The following CDH6 variants were observed in gnomAD, a reference collection of about 807,000 sequenced individuals.
The protein encoded by CDH6 is cadherin 6.
Under a neutral mutation model 78.0 loss-of-function variants are expected in CDH6, and 31 were observed. The ratio of observed to expected loss-of-function variants is 0.40; its 90% CI spans 0.30 to 0.54. The LOEUF (loss-of-function observed/expected upper bound fraction) is 0.54, where lower values mean the gene tolerates loss of function less well. CDH6 is among the 20% of genes least tolerant of loss of function. The pLI is 0.56. For synonymous variants in CDH6, 376 were observed against 368.8 expected, an observed-to-expected ratio of 1.02 and a Z score of -0.23; for missense variants, 724 against 975.9, an observed-to-expected ratio of 0.74 and a Z score of 3.44.
intron 1 of CDH6, among the ~76,000 whole-genome samples, chr5:31,230,731 A>AGAGTC (rs1321468773): frequency 3.9e-5 from 6 of 152,228 alleles, no homozygotes; most frequent in African/African-American, 1.4e-4. Context: ...AGAACAACAA[A>AGAGTC]TCCATTGAGT....
chr5:31,305,407 T>C lies in CDH6; in HGVS notation c.1233T>C (p.Asp411=). The change falls in exon 7 of 12, where the codon GAT becomes GAC. Residue 411 remains aspartate (D), a synonymous_variant. Transcript: ENST00000265071. ...TIGSVTAQDP[D]AARNPVKYSV... ...GCTCCGTCACAGCCCAAGATCCAGA[T>C]GCTGCCAGGAATCCTGTCAAGTAAG... 1 of 1,613,828 alleles carries C rather than the reference T, an allele frequency of 6.2e-7. No individual in the cohort carries two copies. The highest frequency in any genetic ancestry group is 1.1e-5 in the South Asian group (1 of 91,028).
chr5:31,314,568 T>C (rs955929799), intron 8 of CDH6, among the ~76,000 whole-genome samples: 6 of 152,068 alleles, frequency 3.9e-5, no homozygotes, highest in Non-Finnish European at 8.8e-5. Context: ...GCATTGCTTT[T>C]AGATAGTGAT....
At chr5:31,220,749 A>G (rs1740983078) in intron 1 of CDH6, among the ~76,000 whole-genome samples, 1 of 152,188 alleles carries the variant, frequency 6.6e-6, no homozygotes, top group Non-Finnish European at 1.5e-5. Context: ...CCTCTTCGTA[A>G]CAGTGATATT....
chr5:31,314,669 G>A (rs985083730), intron 8 of CDH6, among the ~76,000 whole-genome samples: 27 of 151,960 alleles, frequency 1.8e-4, no homozygotes, highest in Admixed American at 1.8e-3. Context: ...TTTATGTTAT[G>A]GGACTGATGT....
chr5:31,300,320 A>G (rs1157972408), intron 5 of CDH6, among the ~76,000 whole-genome samples: 5 of 152,262 alleles, frequency 3.3e-5, no homozygotes, highest in Non-Finnish European at 5.9e-5. Flanking sequence ...TCCCTTTGGG[A>G]CCATGATCTC....
At chr5:31,249,005 T>TC (rs1276242972) in intron 1 of CDH6, among the ~76,000 whole-genome samples, 1 of 152,154 alleles carries the variant, frequency 6.6e-6, no homozygotes, top group Non-Finnish European at 1.5e-5. Context: ...GGGTTTTTTT[T>TC]CCCTAAAAAG....
intron 1 of CDH6, among the ~76,000 whole-genome samples, chr5:31,259,001 A>C (rs1742136984): frequency 6.6e-6 from 1 of 152,214 alleles, no homozygotes; most frequent in South Asian, 2.1e-4. Flanking sequence ...CCTAAGTTTC[A>C]GTTTCTTATC....
intron 2 of CDH6, among the ~76,000 whole-genome samples, chr5:31,273,377 T>A (rs1401523280): frequency 6.6e-6 from 1 of 152,212 alleles, no homozygotes; most frequent in Non-Finnish European, 1.5e-5. Context: ...ATAGCTGATA[T>A]TTTCCGAGCA....
At position 31,295,729 on chromosome 5, in the gene CDH6, C is replaced by G. The variant is rs76948986; in HGVS notation, c.523+1473C>G. On this transcript the variant is annotated intron_variant, in intron 3 of 11. Coordinates refer to ENST00000265071, the MANE Select transcript of CDH6 (RefSeq NM_004932.4). ...ATTTGAAACTATCTCCACTAAGAAC[C>G]AGCAGTGTAGCCCTGGGCAAATTAT... Among the ~76,000 whole-genome samples, 234 of 152,178 alleles carry G rather than the reference C, an allele frequency of 1.5e-3. 3 individuals carry two copies. In the South Asian group the frequency reaches 0.028, roughly 18 times the overall value.
chr5:31,202,008 C>T (rs1394753633), intron 1 of CDH6, among the ~76,000 whole-genome samples: 3 of 152,184 alleles, frequency 2.0e-5, no homozygotes, highest in South Asian at 2.1e-4. Flanking sequence ...GATTACAAAG[C>T]GGATAATTCA....
chr5:31,296,417 C>T (rs760115409), intron 3 of CDH6, among the ~76,000 whole-genome samples: 1 of 152,074 alleles, frequency 6.6e-6, no homozygotes, highest in African/African-American at 2.4e-5. Context: ...GATTATTAGG[C>T]AACTGTGGGG....
intron 1 of CDH6, among the ~76,000 whole-genome samples, chr5:31,236,751 C>T (rs551561717): frequency 6.6e-6 from 1 of 152,262 alleles, no homozygotes; most frequent in South Asian, 2.1e-4. Flanking sequence ...CTGTTTTGAT[C>T]AGCAGAATTT....
intron 1 of CDH6, among the ~76,000 whole-genome samples, chr5:31,264,051 T>C (rs1477045350): frequency 6.6e-6 from 1 of 152,226 alleles, no homozygotes; most frequent in Non-Finnish European, 1.5e-5. Context: ...CAAACAGTGG[T>C]GACAAGTCAC....
intron 2 of CDH6, among the ~76,000 whole-genome samples, chr5:31,283,371 T>C (rs951213350): frequency 6.6e-6 from 1 of 152,156 alleles, no homozygotes; most frequent in Non-Finnish European, 1.5e-5. Context: ...TGTGTTGTGG[T>C]TAATAGAGTA....
chr5:31,265,963 AG>A (rs1268091330), intron 1 of CDH6, among the ~76,000 whole-genome samples: 1 of 151,510 alleles, frequency 6.6e-6, no homozygotes, highest in Non-Finnish European at 1.5e-5. Context: ...TTTTTAGTAG[AG>A]ACGGGGTTTC....
intron 1 of CDH6, among the ~76,000 whole-genome samples, chr5:31,238,963 C>A (rs1451389634): frequency 6.6e-6 from 1 of 152,186 alleles, no homozygotes; most frequent in East Asian, 1.9e-4. Context: ...CTTAAGTAGT[C>A]AAATGCCCAA....
At chr5:31,261,808 TTTAC>T (rs1391428250) in intron 1 of CDH6, among the ~76,000 whole-genome samples, 1 of 152,206 alleles carries the variant, frequency 6.6e-6, no homozygotes, top group Non-Finnish European at 1.5e-5. Flanking sequence ...CTGTCTTATA[TTTAC>T]TTAGTCTGCA....
chr5:31,277,960 A>G (rs768819596), intron 2 of CDH6, among the ~76,000 whole-genome samples: 1 of 152,186 alleles, frequency 6.6e-6, no homozygotes, highest in African/African-American at 2.4e-5. Flanking sequence ...CTATCATGTT[A>G]ATTAGCATAT....
At chr5:31,299,685 C>A (rs1239909792) in intron 5 of CDH6, 54 bp downstream of exon 5, 2 of 1,470,954 alleles carry the variant, frequency 1.4e-6, no homozygotes, top group Non-Finnish European at 1.9e-6. Context: ...AAAACTCGAA[C>A]TTTAAGAATT....
Sources: gnomAD v4.1 joint callset for allele counts (sites outside exome capture counted in the v4.1 genomes callset) on GRCh38, gnomAD v4.1.1 for gene constraint, MANE v1.5 for transcripts, NCBI Gene and HGNC (gene_info 2026-07-23, HGNC 2026-07-21) for gene names.